EVI5: variants seen among roughly 807,000 people sequenced by gnomAD.
The protein encoded by EVI5 is ecotropic viral integration site 5.
EVI5 carries 73 observed loss-of-function variants against 112.0 expected under a neutral mutation model. The ratio of observed to expected loss-of-function variants is 0.65; its 90% CI spans 0.54 to 0.79. EVI5 has a LOEUF of 0.79. Ranked by LOEUF, EVI5 falls within the 30% of genes least tolerant of loss-of-function variation. The pLI is 0.00. For synonymous variants in EVI5, 305 were observed against 319.9 expected, an observed-to-expected ratio of 0.95 and a Z score of 0.50; for missense variants, 900 against 968.8, an observed-to-expected ratio of 0.93 and a Z score of 0.94.
intron 1 of EVI5, among the ~76,000 whole-genome samples, chr1:92,754,169 T>TGATTCAAACATCAGGCTA (rs1680580846): frequency 6.6e-6 from 1 of 152,250 alleles, no homozygotes; most frequent in South Asian, 2.1e-4. Context: ...CAATGACTCA[T>TGATTCAAACATCAGGCTA]GATTCAAACA....
rs1369793351 is a variant in EVI5 at position 92,703,554 on chromosome 1, T to C, written c.405A>G (p.Ala135=). ...ACTGATCCTTAATTGGCATACTTTG[T>C]GCACTGCATAAAAGTTGCCAAACTA... ...RAIVWQLLCS[A]QSMPIKDQYS... Residue 135 remains alanine (A), a synonymous_variant, in exon 4 of 20, where the codon GCA becomes GCG. Coordinates refer to ENST00000684568, the MANE Select transcript of EVI5 (RefSeq NM_001350197.2). 6.2e-7 allele frequency: 1 copy of C among 1,600,592 alleles called. No homozygotes were observed. The highest frequency in any genetic ancestry group is 8.5e-7 in the Non-Finnish European group (1 of 1,176,848).
chr1:92,677,213 T>C lies in EVI5; in HGVS notation c.1103A>G (p.Glu368Gly), dbSNP rs760672417. The change falls in exon 10 of 20, where the codon GAA becomes GGA. Residue 368 changes from glutamate (E) to glycine (G), a missense_variant. By Grantham distance (98) the Glu-to-Gly change is moderately conservative. Coordinates refer to ENST00000684568, the MANE Select transcript of EVI5 (RefSeq NM_001350197.2). ...CGTTTTTATTGTAGTGTATTCCTTT[T>C]CAAGCCTAAGAAAGGAAAAAAAAAG... is the stretch of plus-strand genomic sequence containing the variant. ...KYNSKKMKKL[E>G]KEYTTIKTKE... 1 of 1,553,464 alleles carries C rather than the reference T, an allele frequency of 6.4e-7. No homozygotes were observed. Among genetic ancestry groups the C allele is most frequent in the Non-Finnish European group, 8.8e-7 (1 of 1,136,522 alleles).
At chr1:92,658,760 C>T (rs1572150884) in intron 13 of EVI5, among the ~76,000 whole-genome samples, 1 of 151,784 alleles carries the variant, frequency 6.6e-6, no homozygotes, top group Non-Finnish European at 1.5e-5. Flanking sequence ...CAAGAAAGAC[C>T]CAGAACAGCC....
intron 1 of EVI5, among the ~76,000 whole-genome samples, chr1:92,776,486 C>T (rs1011943146): frequency 6.6e-6 from 1 of 152,094 alleles, no homozygotes; most frequent in Admixed American, 6.6e-5. Flanking sequence ...TAACTATACA[C>T]TAAAATCTCC....
At chr1:92,544,725 A>G (rs1011015255) in intron 19 of EVI5, among the ~76,000 whole-genome samples, 1 of 152,236 alleles carries the variant, frequency 6.6e-6, no homozygotes, top group Admixed American at 6.5e-5. Context: ...ATAAACATAT[A>G]GCCACATACC....
At chr1:92,524,334 A>G (rs1359184855) in intron 19 of EVI5, among the ~76,000 whole-genome samples, 1 of 152,196 alleles carries the variant, frequency 6.6e-6, no homozygotes, top group African/African-American at 2.4e-5. Context: ...TGATAAGGGT[A>G]AATAAATTTA....
At chr1:92,639,231 T>G (rs528366812) in intron 13 of EVI5, among the ~76,000 whole-genome samples, 2 of 152,316 alleles carry the variant, frequency 1.3e-5, no homozygotes, top group South Asian at 4.1e-4. Context: ...CAATCCTATG[T>G]GCTTTTCTGG....
At chr1:92,613,314 T>C (rs1487915870) in intron 16 of EVI5, among the ~76,000 whole-genome samples, 1 of 152,216 alleles carries the variant, frequency 6.6e-6, no homozygotes, top group African/African-American at 2.4e-5. Context: ...ATTTTTTTCT[T>C]TGAGACAGAG....
At chr1:92,618,833 T>C (rs146233072) in intron 16 of EVI5, among the ~76,000 whole-genome samples, 209 of 152,376 alleles carry the variant, frequency 1.4e-3, no homozygotes, top group African/African-American at 4.8e-3. Flanking sequence ...TGTGTATGTA[T>C]ACATTTGTAC....
At chr1:92,701,215 G>T (rs182869974) in intron 5 of EVI5, among the ~76,000 whole-genome samples, 1 of 152,170 alleles carries the variant, frequency 6.6e-6, no homozygotes, top group Non-Finnish European at 1.5e-5. Context: ...ATCAGGAAAC[G>T]GTTTCTGATT....
chr1:92,784,099 C>T (rs552193831), intron 1 of EVI5, among the ~76,000 whole-genome samples: 1 of 152,246 alleles, frequency 6.6e-6, no homozygotes, highest in Non-Finnish European at 1.5e-5. Flanking sequence ...AGGAGGAAAG[C>T]GAGGAAACCA....
intron 7 of EVI5, 44 bp from the exon 8 acceptor site, chr1:92,694,432 C>A: frequency 8.7e-7 from 1 of 1,146,016 alleles, no homozygotes; most frequent in Non-Finnish European, 1.3e-6. Flanking sequence ...GTTACTCTTC[C>A]ATCAACAAAA....
At chr1:92,715,396 A>T (rs971330689) in intron 2 of EVI5, among the ~76,000 whole-genome samples, 1 of 152,170 alleles carries the variant, frequency 6.6e-6, no homozygotes, top group African/African-American at 2.4e-5. Flanking sequence ...CACAAGAATA[A>T]AGAGTGACTT....
intron 2 of EVI5, among the ~76,000 whole-genome samples, chr1:92,706,010 T>C (rs1292326459): frequency 1.3e-5 from 2 of 152,134 alleles, no homozygotes; most frequent in Middle Eastern, 3.2e-3. Flanking sequence ...AAATTCCAAA[T>C]TCCAGGTATG....
chr1:92,618,012 T>C (rs1653615779), intron 16 of EVI5, among the ~76,000 whole-genome samples: 1 of 152,160 alleles, frequency 6.6e-6, no homozygotes, highest in African/African-American at 2.4e-5. Context: ...TTCCCCATCA[T>C]CCTAAAGCAG....
intron 13 of EVI5, among the ~76,000 whole-genome samples, chr1:92,645,533 A>G (rs1299998407): frequency 6.6e-6 from 1 of 152,096 alleles, no homozygotes; most frequent in Admixed American, 6.6e-5. Flanking sequence ...TGTAATTTCT[A>G]ATCTTTGCAA....
rs141608095 is a variant in EVI5 at position 92,624,060 on chromosome 1, T to A, written c.1827+116A>T. On this transcript the variant is annotated intron_variant, in intron 16 of 19. Coordinates refer to ENST00000684568, the MANE Select transcript of EVI5 (RefSeq NM_001350197.2). Reference sequence around the variant, plus strand: ...CTTCATTTGGGCTAGAAAACTGCGGTCTATACAGCTTCATATCTTTACCTT... The same window carrying A: ...CTTCATTTGGGCTAGAAAACTGCGGACTATACAGCTTCATATCTTTACCTT... The A allele has an allele frequency of 5.2e-4, 455 of 881,712 alleles. 2 individuals carry two copies. The African/African-American group carries it at 7.2e-3, about 14-fold the overall frequency. 54.6% of individuals were successfully genotyped at this position (881,712 alleles called of 1,614,324 possible). A position where few individuals can be genotyped will look rare whatever the true frequency, so the allele number is the denominator to read the frequency against.
At position 92,631,523 on chromosome 1, in the gene EVI5, C is replaced by T. The variant is rs182161802; in HGVS notation, c.1527+4679G>A. ...TAAGAATGCTTGTGGTTTTTGCACACTGATTTTGTATCCTGAGACTTTGCT... is the reference window on the plus strand; with the variant it reads ...TAAGAATGCTTGTGGTTTTTGCACATTGATTTTGTATCCTGAGACTTTGCT... On this transcript the variant is annotated intron_variant, in intron 14 of 19. Transcript: ENST00000684568. 7.4e-3 allele frequency among the ~76,000 whole-genome samples: 1,120 copies of T among 152,178 alleles called. 13 individuals carry two copies. The highest frequency in any genetic ancestry group is 0.026 in the African/African-American group (1,062 of 41,508).
At chr1:92,664,687 C>T (rs1664582389) in intron 11 of EVI5, among the ~76,000 whole-genome samples, 1 of 152,296 alleles carries the variant, frequency 6.6e-6, no homozygotes, top group East Asian at 1.9e-4. Context: ...GATGTATCTG[C>T]AATTATTATA....
Sources: allele counts gnomAD v4.1 joint callset (sites outside exome capture counted in the v4.1 genomes callset), GRCh38; gene constraint gnomAD v4.1.1; transcripts MANE v1.5; gene names NCBI Gene and HGNC (gene_info 2026-07-23, HGNC 2026-07-21).